PTBP2: variants seen among roughly 807,000 people sequenced by gnomAD.
PTBP2 encodes polypyrimidine tract-binding protein 2.
A neutral mutation model predicts 61.4 loss-of-function variants in PTBP2; 13 were observed. The observed-to-expected ratio is 0.21, with a 90% CI of 0.14 to 0.34. PTBP2 has a LOEUF of 0.34. Among genes scored for constraint, PTBP2 ranks in the 10% least tolerant of loss-of-function variants. The pLI, the probability that PTBP2 is intolerant of heterozygous loss-of-function variation, is 1.00. For missense variants in PTBP2, 405 were observed against 642.6 expected, an observed-to-expected ratio of 0.63 and a Z score of 4.00; for synonymous variants, 215 against 218.5, an observed-to-expected ratio of 0.98 and a Z score of 0.14.
rs763758586 is a variant in PTBP2 at position 96,813,446 on chromosome 1, A to G, written c.*41A>G. 1.7e-5 allele frequency: 26 copies of G among 1,517,740 alleles called. No homozygotes were observed. The highest frequency in any genetic ancestry group is 7.0e-5 in the East Asian group (3 of 43,100). The allele number at this position is 1,517,740 out of a possible 1,614,324, so 94.0% of individuals were successfully genotyped here. ...GATTGGGGGTGAATCACATTGTTCAATGTCATCACCTATTTGACTGTTCAG... is the reference window on the plus strand; with the variant it reads ...GATTGGGGGTGAATCACATTGTTCAGTGTCATCACCTATTTGACTGTTCAG... On this transcript the variant is annotated 3_prime_UTR_variant, in exon 14 of 14. Coordinates refer to ENST00000674951, the MANE Select transcript of PTBP2 (RefSeq NM_021190.4).
chr1:96,777,641 T>G lies in PTBP2; in HGVS notation c.489T>G (p.Leu163=). ...VTAVQTANTP[L]SGTTVSESAV... ...CTGTCCAGACAGCAAATACTCCTCT[T>G]AGTGGCACCACAGTTAGCGAGAGTG... The change falls in exon 6 of 14, where the codon CTT becomes CTG. Residue 163 remains leucine (L), a synonymous_variant. Transcript: ENST00000674951. 1 of 1,613,532 alleles carries G rather than the reference T, an allele frequency of 6.2e-7. No homozygotes were observed. Among genetic ancestry groups the G allele is most frequent in the Non-Finnish European group, 8.5e-7 (1 of 1,179,634 alleles).
chr1:96,728,349 C>T (rs1650883206), intron 2 of PTBP2, among the ~76,000 whole-genome samples: 1 of 152,172 alleles, frequency 6.6e-6, no homozygotes, highest in African/African-American at 2.4e-5. Context: ...TTCATTTTGA[C>T]TTAATATTTT....
chr1:96,808,778 C>T (rs1394555817), intron 11 of PTBP2, among the ~76,000 whole-genome samples: 1 of 151,812 alleles, frequency 6.6e-6, no homozygotes, highest in African/African-American at 2.4e-5. Context: ...TATGTACTGA[C>T]ACCATCATTT....
chr1:96,749,515 T>A (rs1654269337), intron 2 of PTBP2: 1 of 342,368 alleles, frequency 2.9e-6, no homozygotes, highest in Non-Finnish European at 6.1e-6. Context: ...GTTTTGTTTT[T>A]GTTTCTTACT....
intron 2 of PTBP2, among the ~76,000 whole-genome samples, chr1:96,743,790 ATTC>A (rs758620613): frequency 5.1e-4 from 78 of 152,318 alleles, no homozygotes; most frequent in African/African-American, 7.0e-4. Context: ...TGCAGTAATC[ATTC>A]TTCTTTTTTT....
chr1:96,737,102 C>T (rs1216952846), intron 2 of PTBP2, among the ~76,000 whole-genome samples: 1 of 151,966 alleles, frequency 6.6e-6, no homozygotes, highest in Non-Finnish European at 1.5e-5. Flanking sequence ...GCCTCAGCCT[C>T]CCGAGTAGCT....
chr1:96,724,079 A>T (rs1650028649), intron 2 of PTBP2, among the ~76,000 whole-genome samples: 1 of 152,194 alleles, frequency 6.6e-6, no homozygotes, highest in Non-Finnish European at 1.5e-5. Context: ...TTCAAATTTG[A>T]ATTAGAAGTT....
exon 14 of PTBP2, chr1:96,820,073 T>C (rs1662633864): frequency 6.6e-6 from 1 of 151,982 alleles, no homozygotes; most frequent in African/African-American, 2.4e-5. Flanking sequence ...GCATAGACAT[T>C]GACATAAGAG....
chr1:96,794,115 T>G (rs1373132399), intron 8 of PTBP2, among the ~76,000 whole-genome samples: 1 of 152,232 alleles, frequency 6.6e-6, no homozygotes, highest in Non-Finnish European at 1.5e-5. Flanking sequence ...AAGAAATTTA[T>G]TTCATTTGTT....
At chr1:96,723,428 G>A in intron 1 of PTBP2, 136 bp from the exon 2 acceptor site, 1 of 611,504 alleles carries the variant, frequency 1.6e-6, no homozygotes. Flanking sequence ...ATCATCTGTG[G>A]TATTTTTTAT....
At chr1:96,754,706 A>G (rs932757062) in intron 3 of PTBP2, among the ~76,000 whole-genome samples, 2 of 152,288 alleles carry the variant, frequency 1.3e-5, no homozygotes, top group African/African-American at 2.4e-5. Context: ...AACTCACACA[A>G]TTATGGATAA....
intron 9 of PTBP2, among the ~76,000 whole-genome samples, chr1:96,805,237 C>G (rs965542931): frequency 6.6e-6 from 1 of 152,060 alleles, no homozygotes; most frequent in Non-Finnish European, 1.5e-5. Flanking sequence ...TTGTTGTTCT[C>G]AAAGGCAAAT....
intron 3 of PTBP2, among the ~76,000 whole-genome samples, chr1:96,760,566 C>T (rs1655709942): frequency 6.6e-6 from 1 of 151,430 alleles, no homozygotes; most frequent in African/African-American, 2.4e-5. Flanking sequence ...CTGCCTCAGC[C>T]TCCTGAGTAG....
intron 8 of PTBP2, among the ~76,000 whole-genome samples, chr1:96,797,944 T>A (rs888171205): frequency 6.6e-6 from 1 of 151,924 alleles, no homozygotes. Flanking sequence ...GGTGTGGTGG[T>A]GGGTGCCTGT....
intron 3 of PTBP2, among the ~76,000 whole-genome samples, chr1:96,767,832 A>G (rs939182241): frequency 6.6e-6 from 1 of 152,106 alleles, no homozygotes; most frequent in African/African-American, 2.4e-5. Context: ...TAGTGAAAGG[A>G]CATGTGATAG....
At chr1:96,756,065 A>G (rs1004309894) in intron 3 of PTBP2, among the ~76,000 whole-genome samples, 2 of 152,202 alleles carry the variant, frequency 1.3e-5, no homozygotes, top group Admixed American at 1.3e-4. Flanking sequence ...TGGAATGCAG[A>G]GTGGTACAGC....
At chr1:96,765,647 G>A (rs1248599697) in intron 3 of PTBP2, among the ~76,000 whole-genome samples, 4 of 151,960 alleles carry the variant, frequency 2.6e-5, no homozygotes, top group African/African-American at 9.7e-5. Context: ...GGAAGTGGAG[G>A]TTGTAGTCAA....
chr1:96,798,348 G>A (rs1043132428), intron 8 of PTBP2, among the ~76,000 whole-genome samples: 2 of 152,156 alleles, frequency 1.3e-5, no homozygotes, highest in African/African-American at 4.8e-5. Flanking sequence ...GGAGGTTGCA[G>A]TGAGCTGAGA....
At chr1:96,776,211 A>G (rs1658020946) in intron 5 of PTBP2, among the ~76,000 whole-genome samples, 1 of 152,026 alleles carries the variant, frequency 6.6e-6, no homozygotes, top group Admixed American at 6.6e-5. Flanking sequence ...TACAGTAAGA[A>G]CATGTTCACT....
Sources: allele counts gnomAD v4.1 joint callset (sites outside exome capture counted in the v4.1 genomes callset), GRCh38; gene constraint gnomAD v4.1.1; transcripts MANE v1.5; gene names NCBI Gene and HGNC (gene_info 2026-07-23, HGNC 2026-07-21).